Variants in ARHGAP40 observed in about 807,000 individuals in gnomAD.
The protein encoded by ARHGAP40 is rho GTPase-activating protein 40.
In ARHGAP40, 43 loss-of-function variants were observed where a neutral mutation model predicts 73.5. The ratio of observed to expected loss-of-function variants is 0.58; its 90% CI spans 0.46 to 0.75. The LOEUF is 0.75. ARHGAP40 is among the 30% of genes least tolerant of loss of function. The pLI, the probability that ARHGAP40 is intolerant of heterozygous loss-of-function variation, is 0.00. For missense variants in ARHGAP40, 734 were observed against 861.8 expected (o/e 0.85, Z 1.86); for synonymous variants, 300 against 352.8 (o/e 0.85, Z 1.68).
intron 3 of ARHGAP40, among the ~76,000 whole-genome samples, chr20:38,627,918 G>A (rs1288987904): frequency 1.3e-5 from 2 of 152,192 alleles, no homozygotes; most frequent in Non-Finnish European, 2.9e-5. Flanking sequence ...AGCTCTGGAA[G>A]CTTTTGGTTT....
In ARHGAP40 at chr20:38,646,339, G is replaced by C. The variant is rs2089053294; in HGVS notation, c.1710+152G>C. ...AGGGGGCGTTGCGGCGCCGTCACGG[G>C]GAGCGAGGAGGCGTGGCTGCGAAAC... On this transcript the variant is annotated intron_variant, in intron 12 of 14. Coordinates refer to ENST00000373345, the Ensembl canonical transcript of ARHGAP40. The surrounding 1 kb of genome is among the most constrained non-coding windows in gnomAD (Gnocchi z 4.5). Among the ~76,000 whole-genome samples the C allele has an allele frequency of 6.6e-6, 1 of 152,378 alleles. No homozygotes were observed. Among genetic ancestry groups the C allele is most frequent in the Non-Finnish European group, 1.5e-5 (1 of 68,040 alleles).
intron 2 of ARHGAP40, among the ~76,000 whole-genome samples, chr20:38,624,294 G>A (rs77418715): frequency 0.023 from 3,554 of 152,160 alleles, 130 homozygotes; most frequent in African/African-American, 0.08. Flanking sequence ...ACAGCATGGC[G>A]GCTGGGTTCC....
At chr20:38,609,062 G>A (rs934902135) in intron 1 of ARHGAP40, among the ~76,000 whole-genome samples, 1 of 152,144 alleles carries the variant, frequency 6.6e-6, no homozygotes, top group Non-Finnish European at 1.5e-5. Context: ...CCCAAAATCA[G>A]CTGATTAGCA....
chr20:38,638,038 C>G (rs220536), intron 7 of ARHGAP40, among the ~76,000 whole-genome samples: 80,590 of 151,238 alleles, frequency 0.53, 21,712 homozygotes, highest in South Asian at 0.64. Context: ...GGCTGGGCGC[C>G]GTGGCTCACA....
At chr20:38,637,731 C>T (rs1204463474) in exon 7 of ARHGAP40, 1 of 1,305,306 alleles carries the variant, frequency 7.7e-7, no homozygotes, top group Admixed American at 2.3e-5. Flanking sequence ...TGGTGTGCCC[C>T]TTGACAGCCT....
At chr20:38,627,625 G>A (rs11474055) in intron 3 of ARHGAP40, among the ~76,000 whole-genome samples, 261 of 125,098 alleles carry the variant, frequency 2.1e-3, no homozygotes, top group African/African-American at 7.7e-3. Context: ...GTTGGTGTGT[G>A]TGTGTTGGGG....
chr20:38,647,698 T>C (rs1313734477), intron 13 of ARHGAP40, among the ~76,000 whole-genome samples: 3 of 152,160 alleles, frequency 2.0e-5, no homozygotes, highest in Non-Finnish European at 4.4e-5. Flanking sequence ...TGGCCCACCA[T>C]GTATTAAGAG....
At chr20:38,633,236 T>A (rs1459968094) in intron 5 of ARHGAP40, among the ~76,000 whole-genome samples, 1 of 152,132 alleles carries the variant, frequency 6.6e-6, no homozygotes, top group Non-Finnish European at 1.5e-5. Flanking sequence ...GAGCTGTGAT[T>A]GTGCCCCTGC....
chr20:38,639,925 G>T (rs1042760692), intron 9 of ARHGAP40, among the ~76,000 whole-genome samples: 1 of 152,182 alleles, frequency 6.6e-6, no homozygotes, highest in Non-Finnish European at 1.5e-5. Context: ...GCTCTCCTGA[G>T]ATCTCACTCA....
At chr20:38,606,106 C>T (rs1770179380) in intron 1 of ARHGAP40, among the ~76,000 whole-genome samples, 1 of 152,146 alleles carries the variant, frequency 6.6e-6, no homozygotes, top group South Asian at 2.1e-4. Flanking sequence ...AGCAATCCTC[C>T]TGCCTCAGCC....
At chr20:38,647,757 A>C (rs2089063670) in intron 13 of ARHGAP40, among the ~76,000 whole-genome samples, 1 of 152,236 alleles carries the variant, frequency 6.6e-6, no homozygotes, top group Non-Finnish European at 1.5e-5. Context: ...TGCTCTTAAG[A>C]GCTCACAGTC....
At chr20:38,639,486 T>C (rs1189586893) in intron 9 of ARHGAP40, 100 bp downstream of exon 9, 2 of 1,205,448 alleles carry the variant, frequency 1.7e-6, no homozygotes, top group East Asian at 5.9e-5. Context: ...TCCGTGTTCC[T>C]GGAAATGTCT....
At chr20:38,643,816 C>G (rs1196204214) in exon 11 of ARHGAP40, 1 of 1,305,398 alleles carries the variant, frequency 7.7e-7, no homozygotes, top group African/African-American at 1.5e-5. Flanking sequence ...CAAGGGCGGC[C>G]CCCCAAGCTC....
chr20:38,604,907 CTT>C (rs1445766161), intron 1 of ARHGAP40, among the ~76,000 whole-genome samples: 1 of 151,598 alleles, frequency 6.6e-6, no homozygotes, highest in Non-Finnish European at 1.5e-5. Flanking sequence ...ACCGTTACCT[CTT>C]TTGTTTATTG....
intron 5 of ARHGAP40, among the ~76,000 whole-genome samples, chr20:38,631,347 T>C (rs2088937255): frequency 6.6e-6 from 1 of 150,752 alleles, no homozygotes; most frequent in South Asian, 2.1e-4. Context: ...TATGTTAGTC[T>C]GTTTTTACAC....
chr20:38,650,368 C>A (rs1481927254), exon 15 of ARHGAP40: 2 of 471,404 alleles, frequency 4.2e-6, no homozygotes, highest in Non-Finnish European at 8.8e-6. Flanking sequence ...AGTGGCCCTA[C>A]AATGTGTAGT....
chr20:38,603,333 A>C (rs1005610), intron 1 of ARHGAP40, among the ~76,000 whole-genome samples: 99,515 of 152,062 alleles, frequency 0.65, 36,700 homozygotes, highest in East Asian at 0.86. Flanking sequence ...CTGCCCCATC[A>C]CAGGCAAAAA....
At chr20:38,612,283 G>GA (rs2088808844) in intron 1 of ARHGAP40, among the ~76,000 whole-genome samples, 1 of 152,194 alleles carries the variant, frequency 6.6e-6, no homozygotes. Context: ...TATACAGCCA[G>GA]AAAAGTAGAT....
rs566894846 is a variant in ARHGAP40, at chr20:38,628,564, A to G, written c.559-363A>G. The stretch of plus-strand genomic sequence containing the variant: ...GGTGATCCACCAGCCTCGGCCTCCC[A>G]AAGTGCTGGGATTACAGGCGTGAGC... On this transcript the variant is annotated intron_variant, in intron 3 of 14. Coordinates refer to ENST00000373345, the Ensembl canonical transcript of ARHGAP40. Among the ~76,000 whole-genome samples the G allele has an allele frequency of 2.5e-3, 380 of 152,172 alleles. 4 individuals are homozygous for G. The highest frequency in any genetic ancestry group is 1.4e-3 in the Non-Finnish European group (96 of 68,006).
Sources: allele counts gnomAD v4.1 joint callset (sites outside exome capture counted in the v4.1 genomes callset), GRCh38; gene constraint gnomAD v4.1.1; non-coding constraint Gnocchi (gnomAD v3.1); transcripts MANE v1.5; gene names NCBI Gene and HGNC (gene_info 2026-07-23, HGNC 2026-07-21).